ROBO1: variants seen among roughly 807,000 people sequenced by gnomAD.
The protein encoded by ROBO1 is roundabout homolog 1.
A neutral mutation model predicts 195.9 loss-of-function variants in ROBO1; 149 were observed. The ratio of observed to expected loss-of-function variants is 0.76; its 90% CI spans 0.67 to 0.87. ROBO1 has a LOEUF of 0.87. Ranked by LOEUF, ROBO1 falls within the 40% of genes least tolerant of loss-of-function variation. ROBO1 has a pLI of 0.00. For missense variants in ROBO1, 1,933 were observed against 2,068.3 expected (o/e 0.93, Z 1.27); for synonymous variants, 816 against 733.2 (o/e 1.11, Z -1.82).
intron 2 of ROBO1, among the ~76,000 whole-genome samples, chr3:79,498,830 A>G (rs2107488692): frequency 6.6e-6 from 1 of 152,166 alleles, no homozygotes; most frequent in Admixed American, 6.5e-5. Flanking sequence ...CTGGGCAACA[A>G]GAGCGAAATT....
intron 2 of ROBO1, among the ~76,000 whole-genome samples, chr3:79,556,975 AC>A (rs1323645039): frequency 5.4e-5 from 8 of 149,002 alleles, no homozygotes. Context: ...TTCATCTCCC[AC>A]CAATGACATT....
chr3:79,461,366 T>A (rs1480447363), intron 2 of ROBO1, among the ~76,000 whole-genome samples: 1 of 152,062 alleles, frequency 6.6e-6, no homozygotes, highest in Non-Finnish European at 1.5e-5. Context: ...GCCTTTTGCA[T>A]CTTGAGCTAC....
chr3:79,688,952 C>G (rs1381809288), intron 1 of ROBO1, among the ~76,000 whole-genome samples: 1 of 151,972 alleles, frequency 6.6e-6, no homozygotes, highest in East Asian at 1.9e-4. Context: ...TCTTAAATTT[C>G]CCCATTATTT....
At chr3:79,303,002 A>G (rs543535068) in intron 2 of ROBO1, among the ~76,000 whole-genome samples, 2 of 152,272 alleles carry the variant, frequency 1.3e-5, no homozygotes, top group African/African-American at 2.4e-5. Context: ...AAGAAAGTAC[A>G]TAGCTCAATT....
At chr3:78,860,292 T>C (rs1277197985) in intron 4 of ROBO1, among the ~76,000 whole-genome samples, 5 of 132,330 alleles carry the variant, frequency 3.8e-5, no homozygotes, top group Non-Finnish European at 7.9e-5. Context: ...GAGAGGAAAA[T>C]TGAAATATAC....
rs535036842 is a variant in ROBO1 at position 79,136,775 on chromosome 3, C to T, written c.89-11236G>A. Among the ~76,000 whole-genome samples, 424 of 151,962 alleles carry T rather than the reference C, an allele frequency of 2.8e-3. 3 individuals are homozygous for T. Among genetic ancestry groups the T allele is most frequent in the Non-Finnish European group, 4.4e-3 (302 of 67,940 alleles). Reference sequence around the variant, plus strand: ...TTGTTGAATGTACTTTATTATCTGTCCCATTTTTTTGAACTGGGAATAAGG... The same window carrying T: ...TTGTTGAATGTACTTTATTATCTGTTCCATTTTTTTGAACTGGGAATAAGG... On this transcript the variant is annotated intron_variant, in intron 2 of 30. Transcript: ENST00000464233.
intron 2 of ROBO1, among the ~76,000 whole-genome samples, chr3:79,472,623 T>C (rs1271518001): frequency 6.6e-6 from 1 of 152,116 alleles, no homozygotes; most frequent in African/African-American, 2.4e-5. Context: ...AAATGCAACT[T>C]TATTATTTTA....
intron 3 of ROBO1, among the ~76,000 whole-genome samples, chr3:79,008,888 C>CGTGTGTGT (rs375134341): frequency 0.023 from 2,822 of 121,242 alleles, 72 homozygotes; most frequent in East Asian, 0.068. Context: ...TGCACCCAGC[C>CGTGTGTGT]GTGTGTGTGT....
intron 4 of ROBO1, among the ~76,000 whole-genome samples, chr3:78,864,694 A>ATGTATATATACATATATACACATGTG (rs1041296009): frequency 2.1e-4 from 32 of 152,064 alleles, no homozygotes; most frequent in African/African-American, 7.5e-4. Context: ...TAATGCATGT[A>ATGTATATATACATATATACACATGTG]TGTATATATA....
In ROBO1 at chr3:79,092,146, T is replaced by A. The variant is rs144526978; in HGVS notation, c.172+33310A>T. ...GAGACGGGAAACATAGTTGGATTGT[T>A]AATACACGTATTTGAAGGTAGAGCC... On this transcript the variant is annotated intron_variant, in intron 3 of 30. Transcript: ENST00000464233. Among the ~76,000 whole-genome samples, 184 of 152,262 alleles carry A rather than the reference T, an allele frequency of 1.2e-3. No homozygotes were observed. In the East Asian group the frequency reaches 0.025, roughly 21 times the overall value.
intron 2 of ROBO1, among the ~76,000 whole-genome samples, chr3:79,232,454 A>G (rs1036294711): frequency 6.6e-6 from 1 of 151,446 alleles, no homozygotes; most frequent in Non-Finnish European, 1.5e-5. Context: ...AGAAAACTTA[A>G]GAGAAAAAAA....
chr3:79,623,377 A>C (rs1945070884), intron 1 of ROBO1, among the ~76,000 whole-genome samples: 1 of 152,256 alleles, frequency 6.6e-6, no homozygotes, highest in Non-Finnish European at 1.5e-5. Flanking sequence ...AGGCTTCAGA[A>C]GATAGGCAAT....
intron 1 of ROBO1, among the ~76,000 whole-genome samples, chr3:79,634,292 T>A (rs554373490): frequency 6.6e-6 from 1 of 152,232 alleles, no homozygotes; most frequent in South Asian, 2.1e-4. Flanking sequence ...CGGTCAAAGT[T>A]CTATCCAGTA....
chr3:78,765,969 A>G (rs1485487735), intron 4 of ROBO1, among the ~76,000 whole-genome samples: 1 of 152,212 alleles, frequency 6.6e-6, no homozygotes, highest in Admixed American at 6.5e-5. Flanking sequence ...TAATAAAAAC[A>G]GAACTCCTAT....
At chr3:79,550,950 G>A (rs1380407158) in intron 2 of ROBO1, among the ~76,000 whole-genome samples, 4 of 152,084 alleles carry the variant, frequency 2.6e-5, no homozygotes, top group Admixed American at 6.6e-5. Flanking sequence ...ATGAATTAAT[G>A]TTACCATCAT....
chr3:79,392,135 G>T (rs1000886873), intron 2 of ROBO1, among the ~76,000 whole-genome samples: 3 of 152,270 alleles, frequency 2.0e-5, no homozygotes, highest in Admixed American at 1.3e-4. Context: ...TCAAGGAAGG[G>T]ATCCTCTGAG....
At chr3:78,646,386 T>C (rs1323277736) in intron 20 of ROBO1, among the ~76,000 whole-genome samples, 196 bp from the exon 21 acceptor site, 1 of 150,462 alleles carries the variant, frequency 6.6e-6, no homozygotes, top group Admixed American at 6.7e-5. Context: ...TAGATATACA[T>C]ATCATATATC....
At chr3:79,674,312 G>A (rs956342015) in intron 1 of ROBO1, among the ~76,000 whole-genome samples, 1 of 151,796 alleles carries the variant, frequency 6.6e-6, no homozygotes, top group Non-Finnish European at 1.5e-5. Context: ...AAGAACACGT[G>A]GCTGTTCTCA....
chr3:78,750,290 A>G (rs1176947926), intron 4 of ROBO1, among the ~76,000 whole-genome samples: 1 of 151,736 alleles, frequency 6.6e-6, no homozygotes, highest in Non-Finnish European at 1.5e-5. Flanking sequence ...CGTTTCTACT[A>G]AAAATACAAA....
Sources: gnomAD v4.1 joint callset for allele counts (sites outside exome capture counted in the v4.1 genomes callset) on GRCh38, gnomAD v4.1.1 for gene constraint, MANE v1.5 for transcripts, NCBI Gene and HGNC (gene_info 2026-07-23, HGNC 2026-07-21) for gene names.